Variants in ZNF521 observed in about 807,000 individuals in gnomAD.
ZNF521 encodes the protein LYST-interacting protein 3.
ZNF521 carries 14 observed loss-of-function variants against 105.5 expected under a neutral mutation model. The ratio of observed to expected loss-of-function variants is 0.13; its 90% CI spans 0.09 to 0.21. The LOEUF is 0.21. Among genes scored for constraint, ZNF521 ranks in the 10% least tolerant of loss-of-function variants. The pLI, the probability that ZNF521 is intolerant of heterozygous loss-of-function variation, is 1.00. For missense variants in ZNF521, 1,233 were observed against 1,629.7 expected (o/e 0.76, Z 4.19); for synonymous variants, 635 against 606.0 (o/e 1.05, Z -0.70).
intron 3 of ZNF521, among the ~76,000 whole-genome samples, chr18:25,246,811 C>T (rs1203748324): frequency 3.3e-5 from 5 of 152,180 alleles, no homozygotes; most frequent in Non-Finnish European, 7.3e-5. Context: ...ACCTCTCTTG[C>T]CCAAAATCTT....
intron 3 of ZNF521, among the ~76,000 whole-genome samples, chr18:25,253,464 T>A (rs1477520484): frequency 6.6e-6 from 1 of 152,184 alleles, no homozygotes; most frequent in African/African-American, 2.4e-5. Flanking sequence ...TTGTGACTTA[T>A]ACTAACTACT....
Position 25,226,522 on chromosome 18 carries a change from C to A in ZNF521, c.1396G>T (p.Gly466Cys). 6.2e-7 allele frequency: 1 copy of A among 1,614,132 alleles called. No individual in the cohort carries two copies. The change falls in exon 4 of 8, where the codon GGT becomes TGT. Residue 466 changes from glycine to cysteine, a missense_variant. Transcript: ENST00000361524. This position sits in a 1 kb window ranked among gnomAD's most constrained non-coding sequence, Gnocchi z 4.1. ...GCAGGCATGGCAGAAACAATCAGAC[C>A]TGGGTCCTGAGCTTCATGCACTTGC... ...LKQVHEAQDPGLIVSAMPAIV... is the reference protein window; with the variant it reads ...LKQVHEAQDPCLIVSAMPAIV...
chr18:25,269,562 C>T (rs991809997), intron 3 of ZNF521, among the ~76,000 whole-genome samples: 3 of 151,972 alleles, frequency 2.0e-5, no homozygotes, highest in South Asian at 2.1e-4. Context: ...TCAGCAAATG[C>T]AAAAGAATGG....
chr18:25,073,135 G>C (rs1186989305), intron 7 of ZNF521, among the ~76,000 whole-genome samples: 1 of 152,080 alleles, frequency 6.6e-6, no homozygotes, highest in Non-Finnish European at 1.5e-5. Flanking sequence ...AACTCTTGCT[G>C]CTGAAGCTAT....
chr18:25,192,822 T>C (rs565162344), intron 5 of ZNF521, among the ~76,000 whole-genome samples: 1 of 152,102 alleles, frequency 6.6e-6, no homozygotes, highest in South Asian at 2.1e-4. Flanking sequence ...TAAAAAGGGG[T>C]ATCTTAGCCT....
At position 25,110,186 on chromosome 18, in the gene ZNF521, T is replaced by G. The variant is rs1193811870; in HGVS notation, c.3659-18105A>C. 2.0e-5 allele frequency among the ~76,000 whole-genome samples: 3 copies of G among 152,286 alleles called. No homozygotes were observed. The East Asian group carries it at 5.8e-4, about 29-fold the overall frequency. On this transcript the variant is annotated intron_variant, in intron 5 of 7. Coordinates refer to ENST00000361524, the MANE Select transcript of ZNF521 (RefSeq NM_015461.3). Reference sequence around the variant, plus strand: ...TGGGTTTCCCATCTACAGTCAGTTCTGTCAGCTGCCCCAAAGCAGTGGTGG... The same window carrying G: ...TGGGTTTCCCATCTACAGTCAGTTCGGTCAGCTGCCCCAAAGCAGTGGTGG...
intron 5 of ZNF521, among the ~76,000 whole-genome samples, chr18:25,116,832 C>T (rs971065711): frequency 5.4e-5 from 8 of 149,052 alleles, no homozygotes; most frequent in African/African-American, 2.0e-4. Context: ...AGCATAGCCA[C>T]TGGAAAGTAA....
At chr18:25,269,434 G>A (rs1353234494) in intron 3 of ZNF521, among the ~76,000 whole-genome samples, 1 of 152,188 alleles carries the variant, frequency 6.6e-6, no homozygotes, top group East Asian at 1.9e-4. Context: ...TCTAGACCAA[G>A]TGGACCTAAT....
chr18:25,291,587 T>C (rs868191691), intron 3 of ZNF521, among the ~76,000 whole-genome samples: 1 of 152,210 alleles, frequency 6.6e-6, no homozygotes, highest in African/African-American at 2.4e-5. Flanking sequence ...GAGGCTCATC[T>C]TCCACCAGGA....
At chr18:25,211,406 C>T (rs2036176574) in intron 4 of ZNF521, among the ~76,000 whole-genome samples, 1 of 152,254 alleles carries the variant, frequency 6.6e-6, no homozygotes, top group East Asian at 1.9e-4. Flanking sequence ...ACCTGTATAC[C>T]TGGACTCCTG....
chr18:25,272,904 G>C (rs1203235291), intron 3 of ZNF521, among the ~76,000 whole-genome samples: 4 of 148,878 alleles, frequency 2.7e-5, no homozygotes, highest in Non-Finnish European at 4.5e-5. Context: ...AGAACTTAAA[G>C]TATAATAATA....
chr18:25,196,496 T>C (rs570618641), intron 4 of ZNF521, among the ~76,000 whole-genome samples: 2 of 150,948 alleles, frequency 1.3e-5, no homozygotes, highest in African/African-American at 4.8e-5. Flanking sequence ...TTCCTAATTA[T>C]TGTAATTTAA....
intron 4 of ZNF521, among the ~76,000 whole-genome samples, chr18:25,216,616 C>T (rs72874439): frequency 0.099 from 15,027 of 152,200 alleles, 934 homozygotes; most frequent in Non-Finnish European, 0.14. Context: ...TGGAGTACAA[C>T]GATGCTATCA....
chr18:25,275,264 T>A (rs1258845197), intron 3 of ZNF521, among the ~76,000 whole-genome samples: 2 of 152,180 alleles, frequency 1.3e-5, no homozygotes, highest in African/African-American at 4.8e-5. Flanking sequence ...ACTTCAACAT[T>A]TCTCCCAATA....
Position 25,224,526 on chromosome 18 carries a change from C to G in ZNF521, c.3392G>C (p.Gly1131Ala), listed in dbSNP as rs1600175535. Residue 1131 changes from glycine to alanine, a missense_variant, in exon 4 of 8, where the codon GGC becomes GCC. Gly to Ala is a moderately conservative substitution (Grantham distance 60). This residue lies in a region of ZNF521 where 614 missense variants were observed against 751.5 expected (regional missense o/e 0.82). Transcript: ENST00000361524. The stretch of plus-strand genomic sequence containing the variant: ...GCGTGTCTTCAGTCCCCCCACCTTG[C>G]CTTTCCCCTCAATGGCACTCAGATT... The part of the protein sequence containing the change: ...NENLSAIEGK[G>A]KVGGLKTRCS... 6.2e-7 allele frequency: 1 copy of G among 1,614,032 alleles called. No homozygotes were observed.
intron 3 of ZNF521, among the ~76,000 whole-genome samples, chr18:25,317,574 G>C (rs1912708974): frequency 6.6e-6 from 1 of 152,150 alleles, no homozygotes; most frequent in African/African-American, 2.4e-5. Flanking sequence ...AGTCCAGTGG[G>C]AACGCTGAAG....
In ZNF521 at chr18:25,187,200, T is replaced by C. The variant is rs111605407; in HGVS notation, c.3658+7960A>G. 4.4e-3 allele frequency among the ~76,000 whole-genome samples: 667 copies of C among 152,254 alleles called. 1 individual carries two copies. The highest frequency in any genetic ancestry group is 0.022 in the South Asian group (104 of 4,826). ...TAAAGAACATTATTTTCCTAAAGAA[T>C]ATTATTTTCTTAAAGTGTGAAAAGA... On this transcript the variant is annotated intron_variant, in intron 5 of 7. Transcript: ENST00000361524.
At chr18:25,150,552 T>C (rs2035027286) in intron 5 of ZNF521, among the ~76,000 whole-genome samples, 7 of 152,138 alleles carry the variant, frequency 4.6e-5, no homozygotes, top group Admixed American at 4.6e-4. Flanking sequence ...AGGATGTTGA[T>C]CTTGGAGAAA....
chr18:25,339,527 C>T (rs889352033), intron 2 of ZNF521, among the ~76,000 whole-genome samples: 1 of 152,202 alleles, frequency 6.6e-6, no homozygotes, highest in East Asian at 1.9e-4. Context: ...TTGATCATAA[C>T]TCTACCAGGA....
Sources: gnomAD v4.1 joint callset for allele counts (sites outside exome capture counted in the v4.1 genomes callset) on GRCh38, gnomAD v4.1.1 for gene constraint, gnomAD v4.1.1 regional missense constraint, Gnocchi (gnomAD v3.1) non-coding constraint, MANE v1.5 for transcripts, NCBI Gene and HGNC (gene_info 2026-07-23, HGNC 2026-07-21) for gene names.